The following OR3A2 variants were observed in gnomAD, a reference collection of about 807,000 sequenced individuals.
The protein encoded by OR3A2 is olfactory receptor 3A2.
For missense variants in OR3A2, 318 were observed against 392.8 expected, an observed-to-expected ratio of 0.81 and a Z score of 1.61; for synonymous variants, 126 against 159.3, an observed-to-expected ratio of 0.79 and a Z score of 1.57.
At chr17:3,329,156 A>G (rs1035346188) in intron 3 of OR3A2, among the ~76,000 whole-genome samples, 2 of 151,866 alleles carry the variant, frequency 1.3e-5, no homozygotes, top group African/African-American at 4.9e-5. Flanking sequence ...CATCAAGGAT[A>G]TTGGTCTAAA....
chr17:3,343,437 G>C (rs2150648945), intron 2 of OR3A2, among the ~76,000 whole-genome samples: 1 of 152,258 alleles, frequency 6.6e-6, no homozygotes, highest in South Asian at 2.1e-4. Flanking sequence ...ATAAGAAATT[G>C]ACTCACTGGC....
chr17:3,340,029 A>C (rs1010191927), intron 2 of OR3A2, among the ~76,000 whole-genome samples: 7 of 151,936 alleles, frequency 4.6e-5, no homozygotes, highest in Non-Finnish European at 1.0e-4. Context: ...AAATTTATCC[A>C]TTTCTTCTAG....
intron 3 of OR3A2, among the ~76,000 whole-genome samples, chr17:3,330,518 A>T (rs573770766): frequency 1.3e-5 from 2 of 152,082 alleles, no homozygotes; most frequent in Non-Finnish European, 2.9e-5. Context: ...GATTTATCAG[A>T]GACTAGGATT....
At chr17:3,332,600 T>G (rs929174706) in intron 3 of OR3A2, among the ~76,000 whole-genome samples, 1 of 152,212 alleles carries the variant, frequency 6.6e-6, no homozygotes, top group Admixed American at 6.5e-5. Context: ...GCCCACTGTC[T>G]GGCACTCCCT....
chr17:3,300,905 T>C (rs916995915), intron 3 of OR3A2, among the ~76,000 whole-genome samples: 4 of 145,840 alleles, frequency 2.7e-5, no homozygotes, highest in Non-Finnish European at 4.5e-5. Flanking sequence ...AGTGTTCTCA[T>C]TGTTCAATTC....
intron 1 of OR3A2, among the ~76,000 whole-genome samples, chr17:3,282,197 G>A (rs1254349814): frequency 1.3e-5 from 2 of 152,020 alleles, no homozygotes; most frequent in African/African-American, 4.8e-5. Flanking sequence ...GGTGGATCAC[G>A]AGGTCAGGAG....
intron 2 of OR3A2, among the ~76,000 whole-genome samples, chr17:3,342,188 G>C (rs889253837): frequency 3.3e-5 from 5 of 151,992 alleles, no homozygotes; most frequent in African/African-American, 7.3e-5. Context: ...AAGGTTTTTA[G>C]CTTCCTTGCA....
At chr17:3,277,348 T>A (rs1468875443) in exon 2 of OR3A2, 3 of 152,250 alleles carry the variant, frequency 2.0e-5, no homozygotes, top group Non-Finnish European at 4.4e-5. Flanking sequence ...AAAAACTTTT[T>A]AACAAGTTTT....
intron 3 of OR3A2, among the ~76,000 whole-genome samples, chr17:3,320,740 C>G (rs1477976658): frequency 1.3e-5 from 2 of 151,934 alleles, no homozygotes; most frequent in African/African-American, 4.8e-5. Context: ...TGGTCTATAT[C>G]TCTGTTTTGG....
chr17:3,296,156 A>C (rs1324116902), intron 3 of OR3A2, among the ~76,000 whole-genome samples: 1 of 152,198 alleles, frequency 6.6e-6, no homozygotes, highest in African/African-American at 2.4e-5. Flanking sequence ...AATACAAACA[A>C]TGATATATGA....
chr17:3,332,563 G>A (rs537117114), intron 3 of OR3A2, among the ~76,000 whole-genome samples: 7 of 152,308 alleles, frequency 4.6e-5, no homozygotes, highest in South Asian at 4.1e-4. Context: ...TTCAGCTGGC[G>A]CACGGTGTGC....
At chr17:3,286,454 T>C (rs190162), upstream of OR3A2, among the ~76,000 whole-genome samples, 78,379 of 152,036 alleles carry the variant, frequency 0.52, 21,946 homozygotes, top group East Asian at 0.93. Flanking sequence ...GTGGGTCAAA[T>C]GGTATTTCTA....
upstream of OR3A2, among the ~76,000 whole-genome samples, chr17:3,287,433 TTG>T (rs1346138564): frequency 3.3e-5 from 5 of 152,162 alleles, no homozygotes; most frequent in Non-Finnish European, 7.3e-5. Flanking sequence ...GTACGCGGTA[TTG>T]TGTCTATATC....
chr17:3,340,447 C>T (rs930742900), intron 2 of OR3A2, among the ~76,000 whole-genome samples: 4 of 152,166 alleles, frequency 2.6e-5, no homozygotes, highest in African/African-American at 9.7e-5. Context: ...AAATGTGTCC[C>T]AGAGATTCTG....
At chr17:3,365,655 C>A (rs1597359983) in intron 2 of OR3A2, among the ~76,000 whole-genome samples, 1 of 152,174 alleles carries the variant, frequency 6.6e-6, no homozygotes, top group South Asian at 2.1e-4. Context: ...GAACCCAACA[C>A]CTTGAGGTTA....
intron 2 of OR3A2, among the ~76,000 whole-genome samples, chr17:3,344,329 A>AG (rs11396225): frequency 0.58 from 88,314 of 151,682 alleles, 26,584 homozygotes; most frequent in African/African-American, 0.71. Flanking sequence ...AGCAATTTAG[A>AG]CCTTCCTGCT....
At position 3,291,707 on chromosome 17, in the gene OR3A2, G is replaced by C. The variant is rs2048869121; in HGVS notation, c.-84-12554C>G. The C allele has an allele frequency of 1.9e-6, 3 of 1,612,708 alleles. No homozygotes were observed. In the East Asian group the frequency reaches 6.7e-5, roughly 36 times the overall value. The stretch of plus-strand genomic sequence containing the variant: ...GCACATCAGGGTTTCTGAAGCTGTA[G>C]ATGATTGGGTTCAGCATGGGATTGA... On this transcript the variant is annotated intron_variant, in intron 3 of 4. Coordinates refer to the OR3A2 transcript ENST00000573491.
At chr17:3,362,016 G>A (rs2049521528) in intron 2 of OR3A2, among the ~76,000 whole-genome samples, 1 of 151,648 alleles carries the variant, frequency 6.6e-6, no homozygotes, top group Admixed American at 6.6e-5. Context: ...TGTACCTCTG[G>A]TAGAATTTGG....
intron 2 of OR3A2, among the ~76,000 whole-genome samples, chr17:3,347,409 A>C (rs1390423126): frequency 3.3e-5 from 5 of 151,714 alleles, no homozygotes; most frequent in Admixed American, 3.3e-4. Context: ...CCGGCCCCAC[A>C]ACAGTCCCCA....
Sources: gnomAD v4.1 joint callset for allele counts (sites outside exome capture counted in the v4.1 genomes callset) on GRCh38, gnomAD v4.1.1 for gene constraint, MANE v1.5 for transcripts, NCBI Gene and HGNC (gene_info 2026-07-23, HGNC 2026-07-21) for gene names.